Variants in SFMBT2 observed in about 807,000 individuals in gnomAD.
SFMBT2 encodes the protein scm-like with four MBT domains protein 2.
A neutral mutation model predicts 110.1 loss-of-function variants in SFMBT2; 38 were observed. The ratio of observed to expected loss-of-function variants is 0.35; its 90% CI spans 0.27 to 0.45. The LOEUF (loss-of-function observed/expected upper bound fraction) is 0.45, where lower values mean the gene tolerates loss of function less well. Among genes scored for constraint, SFMBT2 ranks in the 20% least tolerant of loss-of-function variants. The pLI is 1.00. For missense variants in SFMBT2, 1,011 were observed against 1,094.9 expected (o/e 0.92, Z 1.08); for synonymous variants, 425 against 425.4 (o/e 1.00, Z 0.01).
chr10:7,254,513 T>C (rs1207404620), intron 7 of SFMBT2, among the ~76,000 whole-genome samples: 2 of 152,164 alleles, frequency 1.3e-5, no homozygotes, highest in Non-Finnish European at 2.9e-5. Flanking sequence ...GAAAATCATG[T>C]GACTCATGAT....
At chr10:7,370,175 C>T in intron 3 of SFMBT2, 106 bp downstream of exon 3, 4 of 1,002,536 alleles carry the variant, frequency 4.0e-6, no homozygotes, top group Non-Finnish European at 6.1e-6. Context: ...CCACGAATTT[C>T]CCTCTTTCCT....
intron 11 of SFMBT2, among the ~76,000 whole-genome samples, chr10:7,218,337 C>G (rs1013773235): frequency 5.9e-5 from 9 of 152,114 alleles, no homozygotes; most frequent in African/African-American, 2.2e-4. Context: ...TCTGAAAGGT[C>G]AGTGCTCAGT....
chr10:7,407,348 C>G (rs906895972), intron 1 of SFMBT2, among the ~76,000 whole-genome samples: 4 of 152,196 alleles, frequency 2.6e-5, no homozygotes, highest in Admixed American at 2.0e-4. Context: ...TGTAGACACG[C>G]TAGTAGGTCT....
At chr10:7,395,219 G>T (rs1845890922) in intron 1 of SFMBT2, among the ~76,000 whole-genome samples, 1 of 152,110 alleles carries the variant, frequency 6.6e-6, no homozygotes, top group East Asian at 1.9e-4. Flanking sequence ...CTCAGGAGGT[G>T]GAGGCTGCAG....
At chr10:7,395,676 T>C (rs1412150339) in intron 1 of SFMBT2, among the ~76,000 whole-genome samples, 1 of 151,732 alleles carries the variant, frequency 6.6e-6, no homozygotes, top group Admixed American at 6.6e-5. Flanking sequence ...TTCCATTGAG[T>C]TTTACATTTT....
chr10:7,390,351 G>T (rs900954874), intron 1 of SFMBT2, among the ~76,000 whole-genome samples: 4 of 152,140 alleles, frequency 2.6e-5, no homozygotes, highest in Admixed American at 2.6e-4. Flanking sequence ...TAAAACTCAT[G>T]AATTTTTAAA....
At chr10:7,349,924 T>C (rs1461407411) in intron 4 of SFMBT2, among the ~76,000 whole-genome samples, 1 of 152,112 alleles carries the variant, frequency 6.6e-6, no homozygotes, top group Non-Finnish European at 1.5e-5. Context: ...GTCTAGGATG[T>C]CCCTATGGGA....
intron 13 of SFMBT2, 150 bp from the exon 14 acceptor site, chr10:7,200,634 G>T: frequency 1.8e-6 from 1 of 558,346 alleles, no homozygotes; most frequent in Non-Finnish European, 2.9e-6. Flanking sequence ...AGCAATGCCA[G>T]TAAGACCAGA....
intron 1 of SFMBT2, among the ~76,000 whole-genome samples, chr10:7,383,908 CT>C (rs1397133005): frequency 6.6e-6 from 1 of 152,042 alleles, no homozygotes; most frequent in African/African-American, 2.4e-5. Flanking sequence ...GTTTCTTCAG[CT>C]TGTTTTAAAA....
chr10:7,366,679 C>T (rs1844914967), intron 4 of SFMBT2, among the ~76,000 whole-genome samples: 1 of 152,138 alleles, frequency 6.6e-6, no homozygotes. Context: ...TAGAGATTCA[C>T]GTAATTAGCT....
chr10:7,188,562 G>A, intron 16 of SFMBT2, 62 bp downstream of exon 16: 7 of 1,363,540 alleles, frequency 5.1e-6, no homozygotes, highest in Non-Finnish European at 6.2e-6. Flanking sequence ...AAGTGGCAAG[G>A]TTCAAAGTAG....
At chr10:7,238,666 A>G (rs943621778) in intron 9 of SFMBT2, among the ~76,000 whole-genome samples, 6 of 152,206 alleles carry the variant, frequency 3.9e-5, no homozygotes, top group African/African-American at 1.4e-4. Flanking sequence ...GAGACAAATC[A>G]AAGTGCTAAC....
chr10:7,205,878 T>G lies in SFMBT2; in HGVS notation c.1381A>C (p.Ile461Leu). 1 of 1,614,124 alleles carries G rather than the reference T, an allele frequency of 6.2e-7. No individual in the cohort carries two copies. The highest frequency in any genetic ancestry group is 8.5e-7 in the Non-Finnish European group (1 of 1,179,992). The stretch of plus-strand genomic sequence containing the variant: ...GCTTCACACCAGCCCACTGGGAAGA[T>G]GTCCATGGATTCCACATCAACAATG... ...EVIVDVESMD[I>L]FPVGWCEANS... Residue 461 changes from isoleucine (I) to leucine (L), a missense_variant, in exon 12 of 21, where the codon ATC becomes CTC. Transcript: ENST00000397167.
chr10:7,220,828 T>TTCTA (rs1273541763), intron 10 of SFMBT2, among the ~76,000 whole-genome samples: 1 of 144,372 alleles, frequency 6.9e-6, no homozygotes, highest in African/African-American at 2.5e-5. Context: ...CCTTCCTTCT[T>TTCTA]TTTTTTTTTT....
chr10:7,261,087 T>C (rs549883269), intron 7 of SFMBT2, among the ~76,000 whole-genome samples: 1 of 152,120 alleles, frequency 6.6e-6, no homozygotes, highest in Admixed American at 6.5e-5. Context: ...ACTTAACCAG[T>C]AAGACTCCTG....
At chr10:7,184,380 T>C (rs1468234210) in intron 16 of SFMBT2, among the ~76,000 whole-genome samples, 5 of 152,120 alleles carry the variant, frequency 3.3e-5, no homozygotes, top group Admixed American at 2.6e-4. Flanking sequence ...TTTTGCTTGA[T>C]TCTCATTCTC....
At chr10:7,214,973 T>C (rs916134917) in intron 11 of SFMBT2, among the ~76,000 whole-genome samples, 1 of 152,256 alleles carries the variant, frequency 6.6e-6, no homozygotes, top group Admixed American at 6.5e-5. Flanking sequence ...TCTGCTTGTC[T>C]TCCTAACTCT....
rs1844833671 is a variant in SFMBT2 at position 7,364,667 on chromosome 10, G to A, written c.436+2982C>T. ...CTTTCAAGATTCAAGTGTTAAACTT[G>A]AAGAGTGAGTCATGAATGTGATGGT... On this transcript the variant is annotated intron_variant, in intron 4 of 20. Transcript: ENST00000397167. Among the ~76,000 whole-genome samples the A allele has an allele frequency of 1.3e-5, 2 of 152,196 alleles. 1 individual carries two copies. Among genetic ancestry groups the A allele is most frequent in the South Asian group, 4.1e-4 (2 of 4,826 alleles).
intron 4 of SFMBT2, among the ~76,000 whole-genome samples, chr10:7,337,917 G>A (rs142228171): frequency 1.4e-3 from 217 of 152,254 alleles, no homozygotes; most frequent in Non-Finnish European, 2.6e-3. Flanking sequence ...ACCAATCCTT[G>A]CCAGCCTGGC....
Sources: allele counts gnomAD v4.1 joint callset (sites outside exome capture counted in the v4.1 genomes callset), GRCh38; gene constraint gnomAD v4.1.1; transcripts MANE v1.5; gene names NCBI Gene and HGNC (gene_info 2026-07-23, HGNC 2026-07-21).